Variants in RFPL1 observed in about 807,000 individuals in gnomAD.
RFPL1 encodes the protein ret finger protein like 1, also known as ret finger protein-like 1.
In RFPL1, 6 loss-of-function variants were observed where a neutral mutation model predicts 9.6. The observed-to-expected ratio is 0.62, with a 90% CI of 0.34 to 1.23. The LOEUF is 1.23. RFPL1 is among the 50% of genes most tolerant of loss of function. The pLI, the probability that RFPL1 is intolerant of heterozygous loss-of-function variation, is 0.03. For synonymous variants in RFPL1, 145 were observed against 149.4 expected (o/e 0.97, Z 0.22); for missense variants, 352 against 398.4 (o/e 0.88, Z 0.99).
chr22:29,416,239 T>C, the RFPL1 span, among the ~76,000 whole-genome samples: 1 of 152,104 alleles, frequency 6.6e-6, no homozygotes, highest in Non-Finnish European at 1.5e-5. Context: ...ATTGCATGCA[T>C]GGGGCTGACT....
chr22:29,428,509 AG>A, the RFPL1 span, among the ~76,000 whole-genome samples: 5 of 152,246 alleles, frequency 3.3e-5, no homozygotes, highest in Admixed American at 6.5e-5. Context: ...TTATAGGCTA[AG>A]TAGAGCTAAC....
exon 1 of RFPL1, chr22:29,438,629 G>C (rs1182953497): frequency 6.8e-7 from 1 of 1,461,150 alleles, no homozygotes; most frequent in African/African-American, 1.4e-5. Flanking sequence ...CAGTAGAATG[G>C]ACCCTTCCTC....
chr22:29,411,620 G>A, the RFPL1 span, among the ~76,000 whole-genome samples: 1 of 151,894 alleles, frequency 6.6e-6, no homozygotes, highest in African/African-American at 2.4e-5. Context: ...GATATCTCTA[G>A]AAGACTTGGT....
chr22:29,435,427 C>T (rs184341623), upstream of RFPL1, among the ~76,000 whole-genome samples: 1 of 152,350 alleles, frequency 6.6e-6, no homozygotes, highest in Non-Finnish European at 1.5e-5. Flanking sequence ...TACGTTGTAT[C>T]CAGCCTGGTT....
At chr22:29,410,597 A>ATATATATAGATATATCTATC in the RFPL1 span, among the ~76,000 whole-genome samples, 657 of 98,374 alleles carry the variant, frequency 6.7e-3, 10 homozygotes, top group East Asian at 0.071. Flanking sequence ...CTATATATAG[A>ATATATATAGATATATCTATC]TATATATAGA....
chr22:29,392,059 TAGA>T, the RFPL1 span, among the ~76,000 whole-genome samples: 2 of 152,088 alleles, frequency 1.3e-5, no homozygotes, highest in Non-Finnish European at 2.9e-5. Context: ...CCTGGACAAG[TAGA>T]AGGTTTTTGT....
the RFPL1 span, among the ~76,000 whole-genome samples, chr22:29,414,869 T>C: frequency 1.3e-5 from 2 of 151,962 alleles, no homozygotes; most frequent in Non-Finnish European, 2.9e-5. Flanking sequence ...GTGCTCACAA[T>C]GAGGTTTCCT....
the RFPL1 span, among the ~76,000 whole-genome samples, chr22:29,425,203 C>CAAA: frequency 2.5e-5 from 2 of 78,506 alleles, no homozygotes; most frequent in Non-Finnish European, 5.2e-5. Flanking sequence ...GACTCCGTCT[C>CAAA]AAAAAAAAAA....
chr22:29,441,387 T>G, intron 1 of RFPL1, 155 bp from the exon 2 acceptor site: 1 of 794,748 alleles, frequency 1.3e-6, no homozygotes, highest in Non-Finnish European at 2.0e-6. Flanking sequence ...GAATTTGAAC[T>G]AGTCAGGGAA....
the RFPL1 span, among the ~76,000 whole-genome samples, chr22:29,392,187 C>T: frequency 1.3e-5 from 2 of 152,032 alleles, no homozygotes; most frequent in Non-Finnish European, 2.9e-5. Flanking sequence ...TCAAGCAATT[C>T]TCCTGCCTCA....
At chr22:29,394,708 G>A in the RFPL1 span, among the ~76,000 whole-genome samples, 4 of 152,182 alleles carry the variant, frequency 2.6e-5, no homozygotes, top group Admixed American at 6.5e-5. Flanking sequence ...GCCAAGCATC[G>A]TTGTATGCCC....
the RFPL1 span, among the ~76,000 whole-genome samples, chr22:29,423,496 G>A: frequency 6.6e-6 from 1 of 152,006 alleles, no homozygotes; most frequent in African/African-American, 2.4e-5. Context: ...GATTACAGGT[G>A]TGAGCCACCA....
At chr22:29,408,388 C>A in the RFPL1 span, among the ~76,000 whole-genome samples, 1 of 152,180 alleles carries the variant, frequency 6.6e-6, no homozygotes, top group Non-Finnish European at 1.5e-5. Context: ...GCAGCTCAGT[C>A]CATGCCTGTC....
the RFPL1 span, among the ~76,000 whole-genome samples, chr22:29,425,065 G>C: frequency 2.8e-4 from 42 of 151,638 alleles, no homozygotes; most frequent in African/African-American, 9.4e-4. Flanking sequence ...TTAGCCGGGC[G>C]TGGTGGCAGG....
At chr22:29,428,019 G>A in the RFPL1 span, among the ~76,000 whole-genome samples, 11 of 152,296 alleles carry the variant, frequency 7.2e-5, no homozygotes, top group Middle Eastern at 3.4e-3. Flanking sequence ...TACCACAACC[G>A]GAGACATAGA....
the RFPL1 span, among the ~76,000 whole-genome samples, chr22:29,392,890 G>A: frequency 4.6e-5 from 7 of 152,294 alleles, 1 homozygote; most frequent in South Asian, 1.2e-3. Flanking sequence ...TGGTCCCAGA[G>A]CCCCAGCTGT....
In RFPL1 at chr22:29,439,243, T is replaced by C. The variant is rs1160419914; in HGVS notation, c.373+79T>C. 4.6e-6 allele frequency: 7 copies of C among 1,531,364 alleles called. No individual in the cohort carries two copies. The Admixed American group carries it at 8.2e-5, about 18-fold the overall frequency. The allele number at this position is 1,531,364 out of a possible 1,614,324, so 94.9% of individuals were successfully genotyped here. A position where few individuals can be genotyped will look rare whatever the true frequency, so the allele number is the denominator to read the frequency against. ...TCTGTGCAACTGGCCCCTCATTCCA[T>C]ATGGGGATTAGCTGCTGTCTGGCAC... On this transcript the variant is annotated intron_variant, in intron 1 of 1. Transcript: ENST00000354373.
the RFPL1 span, among the ~76,000 whole-genome samples, chr22:29,407,251 A>T: frequency 2.7e-3 from 406 of 150,248 alleles, 3 homozygotes; most frequent in African/African-American, 9.5e-3. Flanking sequence ...GTGCCACTAT[A>T]CCAAGCTAAT....
At chr22:29,421,655 C>T in the RFPL1 span, among the ~76,000 whole-genome samples, 6,849 of 151,346 alleles carry the variant, frequency 0.045, 157 homozygotes, top group Non-Finnish European at 0.056. Context: ...TGGCTCTAAC[C>T]TCTTCTTGTA....
Sources: allele counts gnomAD v4.1 joint callset (sites outside exome capture counted in the v4.1 genomes callset), GRCh38; gene constraint gnomAD v4.1.1; transcripts MANE v1.5; gene names NCBI Gene and HGNC (gene_info 2026-07-23, HGNC 2026-07-21).